CTTNBP2: variants seen among roughly 807,000 people sequenced by gnomAD.
CTTNBP2 encodes the protein cortactin-binding protein 2.
CTTNBP2 carries 108 observed loss-of-function variants against 156.9 expected under a neutral mutation model. The ratio of observed to expected loss-of-function variants is 0.69; its 90% CI spans 0.59 to 0.81. CTTNBP2 has a LOEUF of 0.81. Among genes scored for constraint, CTTNBP2 ranks in the 30% least tolerant of loss-of-function variants. The probability of loss-of-function intolerance (pLI) is 0.00; values close to 1 mark genes in which losing one functional copy is unlikely to be tolerated. For synonymous variants in CTTNBP2, 767 were observed against 751.8 expected, an observed-to-expected ratio of 1.02 and a Z score of -0.33; for missense variants, 1,924 against 2,035.4, an observed-to-expected ratio of 0.95 and a Z score of 1.05.
intron 17 of CTTNBP2, among the ~76,000 whole-genome samples, chr7:117,727,287 G>A (rs973395127): frequency 8.6e-5 from 13 of 152,046 alleles, no homozygotes; most frequent in Non-Finnish European, 1.6e-4. Context: ...GACCTCCTGG[G>A]CTCAATTGAT....
intron 2 of CTTNBP2, among the ~76,000 whole-genome samples, chr7:117,837,591 T>C (rs1271700695): frequency 6.6e-6 from 1 of 152,224 alleles, no homozygotes; most frequent in Non-Finnish European, 1.5e-5. Context: ...GTAAGATATC[T>C]TAGGGATGAG....
At chr7:117,770,876 G>C (rs1370825852) in intron 8 of CTTNBP2, among the ~76,000 whole-genome samples, 2 of 152,152 alleles carry the variant, frequency 1.3e-5, no homozygotes, top group Non-Finnish European at 2.9e-5. Flanking sequence ...AACTGGGCAC[G>C]ATGTCCTACC....
intron 2 of CTTNBP2, among the ~76,000 whole-genome samples, chr7:117,847,341 G>A (rs528633046): frequency 1.3e-4 from 20 of 152,312 alleles, no homozygotes; most frequent in African/African-American, 4.8e-4. Context: ...TTCAAGACCA[G>A]CCTGGGCAAT....
intron 19 of CTTNBP2, among the ~76,000 whole-genome samples, chr7:117,722,845 G>C (rs771667828): frequency 2.6e-5 from 4 of 152,112 alleles, no homozygotes. Flanking sequence ...AATAGCACTG[G>C]GCTTGCAAGA....
chr7:117,814,967 T>G (rs112216835), intron 2 of CTTNBP2, among the ~76,000 whole-genome samples: 13 of 152,332 alleles, frequency 8.5e-5, no homozygotes, highest in African/African-American at 3.1e-4. Flanking sequence ...TCTTTCATTT[T>G]TAAGTCCCTA....
intron 2 of CTTNBP2, among the ~76,000 whole-genome samples, chr7:117,814,252 T>TC (rs1460556177): frequency 6.6e-6 from 1 of 151,832 alleles, no homozygotes; most frequent in Non-Finnish European, 1.5e-5. Flanking sequence ...TAATTCTTTT[T>TC]TTTTTTCTTA....
chr7:117,767,809 A>G (rs538010896), intron 8 of CTTNBP2, among the ~76,000 whole-genome samples: 43 of 152,282 alleles, frequency 2.8e-4, no homozygotes, highest in African/African-American at 8.7e-4. Flanking sequence ...GGAAATCTCC[A>G]TTCAAAAAGT....
chr7:117,745,954 T>C, intron 13 of CTTNBP2, 24 bp from the exon 14 acceptor site: 3 of 1,611,050 alleles, frequency 1.9e-6, no homozygotes, highest in Non-Finnish European at 2.5e-6. Flanking sequence ...ATAGGGTGAT[T>C]AGTTCTACGC....
At chr7:117,818,211 T>C (rs996219828) in intron 2 of CTTNBP2, among the ~76,000 whole-genome samples, 7 of 152,196 alleles carry the variant, frequency 4.6e-5, no homozygotes, top group Non-Finnish European at 8.8e-5. Context: ...GAATATATTA[T>C]TTAAGTATAA....
rs1795213248 is a variant in CTTNBP2, at chr7:117,728,263, T to C, written c.3881A>G (p.Lys1294Arg). The C allele has an allele frequency of 6.2e-7, 1 of 1,611,230 alleles. No individual in the cohort carries two copies. The highest frequency in any genetic ancestry group is 8.5e-7 in the Non-Finnish European group (1 of 1,178,612). The change falls in exon 17 of 23, where the codon AAA becomes AGA. Residue 1294 changes from lysine (K) to arginine (R), a missense_variant. By Grantham distance (26) the Lys-to-Arg change is conservative. Transcript: ENST00000160373. ...ATCGCAGGGGGAGGGCGCCTGACCT[T>C]TGAACTAGAGAGACAGGGAGGTGGA... ...FLRRKVVNKF[K>R]GQAPSPCDPV...
chr7:117,712,974 G>T (rs148907244), intron 22 of CTTNBP2, among the ~76,000 whole-genome samples: 55 of 152,280 alleles, frequency 3.6e-4, no homozygotes, highest in African/African-American at 1.3e-3. Context: ...GGACGTGAGC[G>T]GGGGCGAGCC....
intron 14 of CTTNBP2, among the ~76,000 whole-genome samples, chr7:117,736,809 AC>A (rs1795732383): frequency 6.6e-6 from 1 of 152,270 alleles, no homozygotes; most frequent in African/African-American, 2.4e-5. Context: ...AAATAAAATC[AC>A]TTTAGTTTCT....
intron 4 of CTTNBP2, 31 bp from the exon 5 acceptor site, chr7:117,784,485 T>G: frequency 6.7e-7 from 1 of 1,500,232 alleles, no homozygotes; most frequent in African/African-American, 1.4e-5. Flanking sequence ...CGTTAGAGAG[T>G]AGGAGCAAGG....
chr7:117,858,609 A>G (rs1213150681), intron 2 of CTTNBP2, among the ~76,000 whole-genome samples: 1 of 152,250 alleles, frequency 6.6e-6, no homozygotes, highest in South Asian at 2.1e-4. Flanking sequence ...ACAGATGAGC[A>G]TTTTTGGTTT....
chr7:117,844,027 G>A (rs1441905309), intron 2 of CTTNBP2, among the ~76,000 whole-genome samples: 1 of 146,162 alleles, frequency 6.8e-6, no homozygotes, highest in Non-Finnish European at 1.5e-5. Context: ...AGAGAAAGAG[G>A]CATGACAACA....
Position 117,806,714 on chromosome 7 carries a change from G to A in CTTNBP2, c.414+4051C>T, listed in dbSNP as rs181955844. ...TGGGAAGGCAAGCCCTGGAAACAGA[G>A]GTTTGGCTCATTTCTTTCTTCTTTT... is the stretch of plus-strand genomic sequence containing the variant. On this transcript the variant is annotated intron_variant, in intron 3 of 22. Transcript: ENST00000160373. Among the ~76,000 whole-genome samples, 3 of 151,326 alleles carry A rather than the reference G, an allele frequency of 2.0e-5. No individual in the cohort carries two copies. The East Asian group carries it at 5.8e-4, about 29-fold the overall frequency.
At position 117,782,968 on chromosome 7, in the gene CTTNBP2, A is replaced by G. The variant is rs1175538961; in HGVS notation, c.2273-7T>C. The G allele has an allele frequency of 2.5e-6, 4 of 1,602,136 alleles. No homozygotes were observed. Among genetic ancestry groups the G allele is most frequent in the Non-Finnish European group, 3.4e-6 (4 of 1,172,102 alleles). On this transcript the variant is annotated splice_region_variant and splice_polypyrimidine_tract_variant and intron_variant, in intron 5 of 22. Transcript: ENST00000160373. ...AGCAGCAATCTCACACAGTCTATGG[A>G]TTTTAATAGAAAGCCATGTAAATTC...
chr7:117,840,503 G>C (rs1017908783), intron 2 of CTTNBP2, among the ~76,000 whole-genome samples: 3 of 152,080 alleles, frequency 2.0e-5, no homozygotes, highest in African/African-American at 4.8e-5. Flanking sequence ...CTCCAGCCTG[G>C]GTGACAGAGT....
intron 2 of CTTNBP2, among the ~76,000 whole-genome samples, chr7:117,818,434 T>C (rs771391044): frequency 6.6e-6 from 1 of 152,090 alleles, no homozygotes; most frequent in African/African-American, 2.4e-5. Flanking sequence ...AAATGTTGAG[T>C]CAACTCTGAC....
Sources: gnomAD v4.1 joint callset for allele counts (sites outside exome capture counted in the v4.1 genomes callset) on GRCh38, gnomAD v4.1.1 for gene constraint, MANE v1.5 for transcripts, NCBI Gene and HGNC (gene_info 2026-07-23, HGNC 2026-07-21) for gene names.